The following ROBO3 variants were observed in gnomAD, a reference collection of about 807,000 sequenced individuals.
The protein encoded by ROBO3 is roundabout homolog 3.
Under a neutral mutation model 160.5 loss-of-function variants are expected in ROBO3, and 97 were observed. The observed-to-expected ratio is 0.60, with a 90% CI of 0.51 to 0.72. The LOEUF is 0.72. Ranked by LOEUF, ROBO3 falls within the 30% of genes least tolerant of loss-of-function variation. ROBO3 has a pLI of 0.00. For synonymous variants in ROBO3, 780 were observed against 746.2 expected (o/e 1.05, Z -0.74); for missense variants, 1,858 against 1,846.5 (o/e 1.01, Z -0.11).
intron 1 of ROBO3, among the ~76,000 whole-genome samples, chr11:124,867,704 G>C (rs1946218445): frequency 6.6e-6 from 1 of 151,906 alleles, no homozygotes; most frequent in African/African-American, 2.4e-5. Context: ...TCTAAGAGGG[G>C]GGGCAGGAAA....
In ROBO3 at chr11:124,869,431, C is replaced by CCA; in HGVS notation, c.488-18_488-17insAC. On this transcript the variant is annotated intron_variant, in intron 2 of 27. Transcript: ENST00000397801. This position sits in a 1 kb window ranked among gnomAD's most constrained non-coding sequence, Gnocchi z 4.2. ...TCACTCTACACCCTGCTTATTTCGC[C>CCA]CCCCACCGCCCCGCCCAGTCCTCCG... The CCA allele has an allele frequency of 7.7e-7, 1 of 1,303,870 alleles. No individual in the cohort carries two copies. The highest frequency in any genetic ancestry group is 1.2e-5 in the South Asian group (1 of 80,316). 80.8% of individuals were successfully genotyped at this position (1,303,870 alleles called of 1,614,324 possible). A position where few individuals can be genotyped will look rare whatever the true frequency, so the allele number is the denominator to read the frequency against.
At position 124,878,780 on chromosome 11, in the gene ROBO3, C is replaced by T. The variant is rs747217031; in HGVS notation, c.3517C>T (p.Leu1173Phe). Residue 1173 changes from leucine to phenylalanine, a missense_variant, in exon 23 of 28, where the codon CTC (leucine) becomes TTC (phenylalanine). Coordinates refer to ENST00000397801, the MANE Select transcript of ROBO3 (RefSeq NM_022370.4). This position sits in a 1 kb window ranked among gnomAD's most constrained non-coding sequence, Gnocchi z 4.3. ...CCAGCCCCCAACTGACATGCCCCAT[C>T]TCCATCAGATGCCCAGGTAGGGAGG... ...PPQPPTDMPH[L>F]HQMPRRVPLG... The T allele has an allele frequency of 6.6e-5, 106 of 1,612,966 alleles. No homozygotes were observed. Among genetic ancestry groups the T allele is most frequent in the Non-Finnish European group, 9.0e-5 (106 of 1,179,620 alleles).
Position 124,872,355 on chromosome 11 carries a change from A to G in ROBO3, c.1159-26A>G. Reference sequence around the variant, plus strand: ...CTGCCCAGCTGCCTGCTCATTCCCTACCCTGGTTCCTTGCTCTGTCCCCAG... The same window carrying G: ...CTGCCCAGCTGCCTGCTCATTCCCTGCCCTGGTTCCTTGCTCTGTCCCCAG... On this transcript the variant is annotated intron_variant, in intron 7 of 27. Transcript: ENST00000397801. This position sits in a 1 kb window ranked among gnomAD's most constrained non-coding sequence, Gnocchi z 4.3. The G allele has an allele frequency of 6.2e-7, 1 of 1,612,378 alleles. No individual in the cohort carries two copies. Among genetic ancestry groups the G allele is most frequent in the Non-Finnish European group, 8.5e-7 (1 of 1,178,506 alleles).
At position 124,869,811 on chromosome 11, in the gene ROBO3, A is replaced by G; in HGVS notation, c.646-137A>G. 1 of 1,341,310 alleles carries G rather than the reference A, an allele frequency of 7.5e-7. No individual in the cohort carries two copies. The allele number at this position is 1,341,310 out of a possible 1,614,324, so 83.1% of individuals were successfully genotyped here. On this transcript the variant is annotated intron_variant, in intron 3 of 27. Coordinates refer to ENST00000397801, the MANE Select transcript of ROBO3 (RefSeq NM_022370.4). The surrounding 1 kb of genome is among the most constrained non-coding windows in gnomAD (Gnocchi z 4.2). ...GAACTTCCCATTTGATATGTGGGTC[A>G]ACTTCCTTGGTCTCCTTTATCAGCT...
At position 124,869,842 on chromosome 11, in the gene ROBO3, T is replaced by G; in HGVS notation, c.646-106T>G. On this transcript the variant is annotated intron_variant, in intron 3 of 27. Transcript: ENST00000397801. This position sits in a 1 kb window ranked among gnomAD's most constrained non-coding sequence, Gnocchi z 4.2. ...CTTGGTCTCCTTTATCAGCTTGCTG[T>G]GAGGATCAAATAAACTTTATACATA... The G allele has an allele frequency of 1.4e-6, 2 of 1,453,560 alleles. No homozygotes were observed. Among genetic ancestry groups the G allele is most frequent in the Non-Finnish European group, 9.4e-7 (1 of 1,063,098 alleles). The allele number at this position is 1,453,560 out of a possible 1,614,324, so 90.0% of individuals were successfully genotyped here. A position where few individuals can be genotyped will look rare whatever the true frequency, so the allele number is the denominator to read the frequency against.
Position 124,869,429 on chromosome 11 carries a change from G to GGGCGCGCCGC in ROBO3, c.488-21_488-20insGGCGCGCCGC. ...TGTCACTCTACACCCTGCTTATTTC[G>GGGCGCGCCGC]CCCCCCACCGCCCCGCCCAGTCCTC... On this transcript the variant is annotated intron_variant, in intron 2 of 27. Coordinates refer to ENST00000397801, the MANE Select transcript of ROBO3 (RefSeq NM_022370.4). This position sits in a 1 kb window ranked among gnomAD's most constrained non-coding sequence, Gnocchi z 4.2. 1 of 1,295,764 alleles carries GGGCGCGCCGC rather than the reference G, an allele frequency of 7.7e-7. No individual in the cohort carries two copies. The highest frequency in any genetic ancestry group is 1.1e-6 in the Non-Finnish European group (1 of 929,942). The allele number at this position is 1,295,764 out of a possible 1,614,324, so 80.3% of individuals were successfully genotyped here. A position where few individuals can be genotyped will look rare whatever the true frequency, so the allele number is the denominator to read the frequency against.
At position 124,877,482 on chromosome 11, in the gene ROBO3, GGCTCTCCGTCCCCAACGCTCACCT is replaced by G. The variant is rs1340462595; in HGVS notation, c.2847-29_2847-6del. ...TCCCTTTCCTTTGCTGGCCTCTTCA[GGCTCTCCGTCCCCAACGCTCACCT>G]GCTCTCCCTCAGGCCACCCATGGGC... On this transcript the variant is annotated splice_polypyrimidine_tract_variant and intron_variant, in intron 19 of 27. Transcript: ENST00000397801. The G allele has an allele frequency of 1.3e-6, 2 of 1,599,916 alleles. No homozygotes were observed. Among genetic ancestry groups the G allele is most frequent in the Non-Finnish European group, 1.7e-6 (2 of 1,173,186 alleles).
chr11:124,871,831 G>A (rs1254134920), intron 7 of ROBO3, among the ~76,000 whole-genome samples: 12 of 152,164 alleles, frequency 7.9e-5, no homozygotes, highest in Non-Finnish European at 1.5e-4. Flanking sequence ...TAGCACCTGG[G>A]ACTGCTGAAT....
intron 1 of ROBO3, among the ~76,000 whole-genome samples, chr11:124,867,703 G>T (rs537889151): frequency 6.6e-6 from 1 of 152,066 alleles, no homozygotes; most frequent in East Asian, 1.9e-4. Context: ...TTCTAAGAGG[G>T]GGGGCAGGAA....
chr11:124,869,455 C>G lies in ROBO3; in HGVS notation c.493C>G (p.Arg165Gly). 1 of 1,530,598 alleles carries G rather than the reference C, an allele frequency of 6.5e-7. No homozygotes were observed. The highest frequency in any genetic ancestry group is 8.9e-7 in the Non-Finnish European group (1 of 1,126,932). The allele number at this position is 1,530,598 out of a possible 1,614,324, so 94.8% of individuals were successfully genotyped here. Residue 165 changes from arginine (R) to glycine (G), a missense_variant, in exon 3 of 28, where the codon CGT becomes GGT. Arg to Gly is a moderately radical substitution (Grantham distance 125). Coordinates refer to ENST00000397801, the MANE Select transcript of ROBO3 (RefSeq NM_022370.4). This position sits in a 1 kb window ranked among gnomAD's most constrained non-coding sequence, Gnocchi z 4.2. ...CCCCCCACCGCCCCGCCCAGTCCTC[C>G]GTGATGATTTCCGGCAGTCTCCTGG... ...RNASLEVAVL[R>G]DDFRQSPGNV...
chr11:124,880,657 G>T lies in ROBO3; in HGVS notation c.4149+49G>T, dbSNP rs12284882. 104,538 of 1,471,036 alleles carry T rather than the reference G, an allele frequency of 0.071. 7,591 individuals are homozygous for T. The highest frequency in any genetic ancestry group is 0.38 in the African/African-American group (26,791 of 70,800). The allele number at this position is 1,471,036 out of a possible 1,614,324, so 91.1% of individuals were successfully genotyped here. A position where few individuals can be genotyped will look rare whatever the true frequency, so the allele number is the denominator to read the frequency against. On this transcript the variant is annotated intron_variant, in intron 27 of 27. Coordinates refer to ENST00000397801, the MANE Select transcript of ROBO3 (RefSeq NM_022370.4). ...AATGAGGGCAGAGGACTAGGGAAGG[G>T]TGGACCAAGGCGTAATGGAAAACAG...
chr11:124,866,836 T>A (rs1174732952), intron 1 of ROBO3, among the ~76,000 whole-genome samples: 1 of 151,714 alleles, frequency 6.6e-6, no homozygotes, highest in East Asian at 1.9e-4. Flanking sequence ...ATAGAAGGAT[T>A]GGGGAGAAAG....
At position 124,875,691 on chromosome 11, in the gene ROBO3, G is replaced by C; in HGVS notation, c.2421+6G>C. The C allele has an allele frequency of 1.2e-6, 2 of 1,601,160 alleles. No homozygotes were observed. The highest frequency in any genetic ancestry group is 1.7e-6 in the Non-Finnish European group (2 of 1,173,794). ...GGGTCATCACGGAATACCAGGTAGAGGGATTGAGGAGGGACTGGATGGGAG... is the reference window on the plus strand; with the variant it reads ...GGGTCATCACGGAATACCAGGTAGACGGATTGAGGAGGGACTGGATGGGAG... On this transcript the variant is annotated splice_donor_region_variant and intron_variant, in intron 15 of 27. Coordinates refer to ENST00000397801, the MANE Select transcript of ROBO3 (RefSeq NM_022370.4).
intron 27 of ROBO3, 47 bp downstream of exon 27, chr11:124,880,655 G>C: frequency 2.7e-6 from 4 of 1,474,978 alleles, no homozygotes; most frequent in Non-Finnish European, 3.6e-6. Context: ...GACTAGGGAA[G>C]GGTGGACCAA....
Position 124,873,468 on chromosome 11 carries a change from C to A in ROBO3, c.1618+77C>A. ...CTTCAACAGGTAGTCGATACCTCCT[C>A]AAACTCCGGGATTAACTTTATGTCA... On this transcript the variant is annotated intron_variant, in intron 10 of 27. Coordinates refer to ENST00000397801, the MANE Select transcript of ROBO3 (RefSeq NM_022370.4). The surrounding 1 kb of genome is among the most constrained non-coding windows in gnomAD (Gnocchi z 4.5). 7.9e-7 allele frequency: 1 copy of A among 1,267,336 alleles called. No homozygotes were observed. The highest frequency in any genetic ancestry group is 1.1e-6 in the Non-Finnish European group (1 of 887,058). The allele number at this position is 1,267,336 out of a possible 1,614,324, so 78.5% of individuals were successfully genotyped here.
chr11:124,876,217 C>A lies in ROBO3; in HGVS notation c.2594-58C>A, dbSNP rs2135335655. 3 of 1,504,094 alleles carry A rather than the reference C, an allele frequency of 2.0e-6. No individual in the cohort carries two copies. Among genetic ancestry groups the A allele is most frequent in the Non-Finnish European group, 2.6e-6 (3 of 1,134,386 alleles). 93.2% of individuals were successfully genotyped at this position (1,504,094 alleles called of 1,614,324 possible). A position where few individuals can be genotyped will look rare whatever the true frequency, so the allele number is the denominator to read the frequency against. ...CTGTGCCTGCCGGGTCGGGAATGAC[C>A]CTTTCCCAGTTCCAGGGTTTCGGGC... On this transcript the variant is annotated intron_variant, in intron 16 of 27. Transcript: ENST00000397801. The surrounding 1 kb of genome is among the most constrained non-coding windows in gnomAD (Gnocchi z 5.3).
At chr11:124,877,016 C>A in intron 17 of ROBO3, 145 bp from the exon 18 acceptor site, 4 of 930,342 alleles carry the variant, frequency 4.3e-6, no homozygotes, top group South Asian at 2.6e-5. Context: ...AGTCCCACCC[C>A]CGAGAAATTC....
Position 124,878,991 on chromosome 11 carries a change from C to T in ROBO3, c.3533+195C>T. ...ATCTCTCATGCCCATTAGACTGGCT[C>T]TTGCTGGAGTGGTCAGCACTCTACC... On this transcript the variant is annotated intron_variant, in intron 23 of 27. Coordinates refer to ENST00000397801, the MANE Select transcript of ROBO3 (RefSeq NM_022370.4). This position sits in a 1 kb window ranked among gnomAD's most constrained non-coding sequence, Gnocchi z 4.3. 1.3e-6 allele frequency: 1 copy of T among 761,384 alleles called. No homozygotes were observed. Among genetic ancestry groups the T allele is most frequent in the Non-Finnish European group, 2.1e-6 (1 of 474,680 alleles). The allele number at this position is 761,384 out of a possible 1,614,324, so 47.2% of individuals were successfully genotyped here.
At chr11:124,871,653 A>G (rs1946281265) in intron 7 of ROBO3, among the ~76,000 whole-genome samples, 1 of 152,220 alleles carries the variant, frequency 6.6e-6, no homozygotes, top group African/African-American at 2.4e-5. Flanking sequence ...ATGAACATTA[A>G]CTGAAGTTAC....
Sources: allele counts gnomAD v4.1 joint callset (sites outside exome capture counted in the v4.1 genomes callset), GRCh38; gene constraint gnomAD v4.1.1; non-coding constraint Gnocchi (gnomAD v3.1); transcripts MANE v1.5; gene names NCBI Gene and HGNC (gene_info 2026-07-23, HGNC 2026-07-21).